AP1G1: variants seen among roughly 807,000 people sequenced by gnomAD.
The protein encoded by AP1G1 is AP-1 complex subunit gamma-1.
In AP1G1, 7 loss-of-function variants were observed where a neutral mutation model predicts 108.3. The observed-to-expected ratio is 0.06, with a 90% confidence interval of 0.04 to 0.12. The LOEUF (loss-of-function observed/expected upper bound fraction) is 0.12, where lower values mean the gene tolerates loss of function less well. Ranked by LOEUF, AP1G1 falls within the 10% of genes least tolerant of loss-of-function variation. The pLI, the probability that AP1G1 is intolerant of heterozygous loss-of-function variation, is 1.00. For missense variants in AP1G1, 756 were observed against 1,010.7 expected (o/e 0.75, Z 3.42); for synonymous variants, 379 against 353.5 (o/e 1.07, Z -0.81).
In AP1G1 at chr16:71,745,463, G is replaced by C; in HGVS notation, c.1872+10C>G. 1 of 1,614,132 alleles carries C rather than the reference G, an allele frequency of 6.2e-7. No individual in the cohort carries two copies. The highest frequency in any genetic ancestry group is 8.5e-7 in the Non-Finnish European group (1 of 1,180,038). ...AGAAGCCCCAGATGAGCAAGTGAAA[G>C]GCTGGCTACCTGGCTGGTGGGCTGT... On this transcript the variant is annotated intron_variant, in intron 18 of 22. Coordinates refer to ENST00000299980, the MANE Select transcript of AP1G1 (RefSeq NM_001128.6).
intron 12 of AP1G1, among the ~76,000 whole-genome samples, chr16:71,755,599 A>G (rs753029031): frequency 2.0e-5 from 3 of 152,168 alleles, no homozygotes; most frequent in Non-Finnish European, 2.9e-5. Flanking sequence ...GGTTTGAAAT[A>G]AATGTTATGT....
intron 5 of AP1G1, 60 bp downstream of exon 5, chr16:71,771,096 A>T: frequency 1.9e-6 from 2 of 1,077,296 alleles, no homozygotes; most frequent in Non-Finnish European, 2.8e-6. Context: ...ACATAGCCTT[A>T]AGCCTTTTCT....
At chr16:71,783,540 T>A (rs1452403582) in intron 2 of AP1G1, among the ~76,000 whole-genome samples, 2 of 151,498 alleles carry the variant, frequency 1.3e-5, no homozygotes, top group Admixed American at 1.3e-4. Flanking sequence ...TTAAAGGAAA[T>A]TTTTTTTTAA....
chr16:71,745,709 A>C, intron 17 of AP1G1, 95 bp from the exon 18 acceptor site: 1 of 1,021,324 alleles, frequency 9.8e-7, no homozygotes, highest in South Asian at 1.3e-5. Flanking sequence ...AAGCATGGAG[A>C]TCTATCTCCC....
At chr16:71,736,904 A>G (rs2045557265) in intron 21 of AP1G1, among the ~76,000 whole-genome samples, 1 of 151,760 alleles carries the variant, frequency 6.6e-6, no homozygotes, top group Non-Finnish European at 1.5e-5. Context: ...AAAATATGAC[A>G]TTTTAAGTTG....
chr16:71,804,041 TTTTA>T (rs1349390191), intron 1 of AP1G1, among the ~76,000 whole-genome samples: 4 of 151,860 alleles, frequency 2.6e-5, no homozygotes, highest in Admixed American at 6.6e-5. Flanking sequence ...GATAAACATA[TTTTA>T]TTTATTTATT....
In AP1G1 at chr16:71,749,999, T is replaced by C. The variant is rs915411932; in HGVS notation, c.1408-16A>G. On this transcript the variant is annotated splice_polypyrimidine_tract_variant and intron_variant, in intron 14 of 22. Coordinates refer to ENST00000299980, the MANE Select transcript of AP1G1 (RefSeq NM_001128.6). ...CCAAAGGTTGCTGTGAAAAGAAAAG[T>C]CAACGTTTCTCAAGAACTTCAATTT... 3 of 1,594,734 alleles carry C rather than the reference T, an allele frequency of 1.9e-6. No homozygotes were observed. The African/African-American group carries it at 4.0e-5, about 21-fold the overall frequency.
chr16:71,766,850 T>A (rs1285250397), intron 6 of AP1G1, among the ~76,000 whole-genome samples: 1 of 152,160 alleles, frequency 6.6e-6, no homozygotes, highest in Non-Finnish European at 1.5e-5. Context: ...AACTTATAAG[T>A]CACCTAAACA....
intron 2 of AP1G1, among the ~76,000 whole-genome samples, chr16:71,778,955 C>T (rs1248628101): frequency 1.3e-5 from 2 of 152,146 alleles, no homozygotes; most frequent in Admixed American, 1.3e-4. Context: ...TACTACTACT[C>T]CACTTAAAGC....
At chr16:71,786,601 C>T (rs2032210584) in intron 2 of AP1G1, among the ~76,000 whole-genome samples, 1 of 152,160 alleles carries the variant, frequency 6.6e-6, no homozygotes, top group South Asian at 2.1e-4. Flanking sequence ...GCTGGGACTA[C>T]AGGCACGCAC....
intron 3 of AP1G1, 107 bp downstream of exon 3, chr16:71,774,361 G>A (rs1334336430): frequency 2.3e-5 from 29 of 1,236,520 alleles, no homozygotes; most frequent in South Asian, 7.0e-5. Flanking sequence ...TCAAGATCAC[G>A]CCACTTCACT....
At chr16:71,796,906 A>G (rs1245295455) in intron 1 of AP1G1, among the ~76,000 whole-genome samples, 1 of 152,124 alleles carries the variant, frequency 6.6e-6, no homozygotes, top group Middle Eastern at 3.2e-3. Flanking sequence ...ACAGTGGCTC[A>G]GGCCTGTAAT....
intron 21 of AP1G1, among the ~76,000 whole-genome samples, chr16:71,737,141 T>C (rs1202607577): frequency 6.6e-6 from 1 of 152,224 alleles, no homozygotes; most frequent in Non-Finnish European, 1.5e-5. Context: ...GCTATCATTA[T>C]CACCACCCTC....
intron 2 of AP1G1, among the ~76,000 whole-genome samples, chr16:71,788,458 T>C (rs2032285880): frequency 6.6e-6 from 1 of 152,124 alleles, no homozygotes; most frequent in Non-Finnish European, 1.5e-5. Flanking sequence ...ATGGACATCT[T>C]AGATAGTAAC....
At chr16:71,768,932 A>G (rs1282581051) in intron 6 of AP1G1, among the ~76,000 whole-genome samples, 32 of 143,782 alleles carry the variant, frequency 2.2e-4, no homozygotes, top group Non-Finnish European at 3.6e-4. Flanking sequence ...AAAAAAAAAA[A>G]AAAAAAAAGA....
intron 4 of AP1G1, among the ~76,000 whole-genome samples, chr16:71,772,794 C>A (rs183406678): frequency 5.8e-4 from 89 of 152,200 alleles, no homozygotes; most frequent in Admixed American, 8.5e-4. Context: ...AAGAATAATT[C>A]TCTTCTATTA....
rs1285055426 is a variant in AP1G1, at chr16:71,729,038, CTG to C, written c.*4018_*4019del. On this transcript the variant is annotated 3_prime_UTR_variant, in exon 23 of 23. Coordinates refer to ENST00000299980, the MANE Select transcript of AP1G1 (RefSeq NM_001128.6). ...GGTATTGACTTTTTATTATTAGTCA[CTG>C]TTCATAATTTGTTTCAACCAAAAGA... The C allele has an allele frequency of 2.0e-5, 3 of 152,568 alleles. No homozygotes were observed. Among genetic ancestry groups the C allele is most frequent in the East Asian group, 3.9e-4 (2 of 5,194 alleles). The allele number at this position is 152,568 out of a possible 1,614,324, so 9.5% of individuals were successfully genotyped here. A position where few individuals can be genotyped will look rare whatever the true frequency, so the allele number is the denominator to read the frequency against.
At chr16:71,791,527 A>G (rs897901276) in intron 1 of AP1G1, among the ~76,000 whole-genome samples, 1 of 151,862 alleles carries the variant, frequency 6.6e-6, no homozygotes, top group East Asian at 1.9e-4. Context: ...TACAAATAAT[A>G]AAAAAAAGTT....
intron 1 of AP1G1, among the ~76,000 whole-genome samples, chr16:71,792,248 C>A (rs1486154202): frequency 6.6e-6 from 1 of 152,080 alleles, no homozygotes; most frequent in Non-Finnish European, 1.5e-5. Flanking sequence ...GGTTGAAAGA[C>A]CGTGCCCTCC....
Sources: gnomAD v4.1 joint callset for allele counts (sites outside exome capture counted in the v4.1 genomes callset) on GRCh38, gnomAD v4.1.1 for gene constraint, MANE v1.5 for transcripts, NCBI Gene and HGNC (gene_info 2026-07-23, HGNC 2026-07-21) for gene names.